The following PRELID2 variants were observed in gnomAD, a reference collection of about 807,000 sequenced individuals.
PRELID2 encodes the protein PRELI domain containing 2.
In PRELID2, 25 loss-of-function variants were observed where a neutral mutation model predicts 28.4. The ratio of observed to expected loss-of-function variants is 0.88; its 90% confidence interval spans 0.64 to 1.23. The LOEUF is 1.23. Among genes scored for constraint, PRELID2 ranks in the 50% most tolerant of loss-of-function variants. The probability of loss-of-function intolerance (pLI) is 0.00; values close to 1 mark genes in which losing one functional copy is unlikely to be tolerated. For synonymous variants in PRELID2, 76 were observed against 71.6 expected, an observed-to-expected ratio of 1.06 and a Z score of -0.31; for missense variants, 201 against 214.4, an observed-to-expected ratio of 0.94 and a Z score of 0.39.
chr5:145,835,218 T>C lies in PRELID2; in HGVS notation c.34A>G (p.Lys12Glu). Residue 12 changes from lysine (K) to glutamate (E), a missense_variant, in exon 1 of 7, where the codon AAG (lysine) becomes GAG (glutamate). Physicochemically the swap from Lys to Glu is moderately conservative, Grantham distance 56 (BLOSUM62 1). Coordinates refer to ENST00000683046, the MANE Select transcript of PRELID2 (RefSeq NM_205846.3). ...GCGACCACCTGCTCGAAGGGGTACT[T>C]GTACACCTGGTGCACATCCACCGAG... ...GVSVDVHQVY[K>E]YPFEQVVASF... 1.3e-6 allele frequency: 2 copies of C among 1,550,280 alleles called. No individual in the cohort carries two copies. Among genetic ancestry groups the C allele is most frequent in the Non-Finnish European group, 1.7e-6 (2 of 1,146,326 alleles).
intron 1 of PRELID2, among the ~76,000 whole-genome samples, chr5:145,740,581 T>C (rs1454277504): frequency 3.7e-3 from 8 of 2,170 alleles, no homozygotes; most frequent in Non-Finnish European, 8.3e-3. Context: ...AATATATATA[T>C]TATATATATA....
chr5:145,737,023 A>C (rs1756514618), intron 1 of PRELID2, among the ~76,000 whole-genome samples: 1 of 152,048 alleles, frequency 6.6e-6, no homozygotes, highest in Non-Finnish European at 1.5e-5. Context: ...AGAAAAAGAG[A>C]AGAGAATTGA....
At chr5:145,690,794 T>C (rs1167905566) in intron 1 of PRELID2, among the ~76,000 whole-genome samples, 1 of 152,228 alleles carries the variant, frequency 6.6e-6, no homozygotes, top group African/African-American at 2.4e-5. Flanking sequence ...GCTCTTTCCC[T>C]ATGTGCAAGA....
At chr5:145,423,527 T>A in the PRELID2 span, among the ~76,000 whole-genome samples, 5 of 150,902 alleles carry the variant, frequency 3.3e-5, no homozygotes, top group Admixed American at 3.3e-4. Flanking sequence ...GTTGATCGCA[T>A]CGGCTCCTGA....
At chr5:145,236,838 C>A in the PRELID2 span, among the ~76,000 whole-genome samples, 195 of 152,252 alleles carry the variant, frequency 1.3e-3, 1 homozygote, top group African/African-American at 3.7e-3. Flanking sequence ...TTCCTGACAA[C>A]CTCTTTGGAA....
chr5:145,802,655 A>G (rs1753212438), intron 4 of PRELID2, among the ~76,000 whole-genome samples: 1 of 152,194 alleles, frequency 6.6e-6, no homozygotes, highest in South Asian at 2.1e-4. Context: ...AAAAAATCTG[A>G]GAGTGAGGCT....
At chr5:145,528,505 T>C (rs896498945) in intron 1 of PRELID2, among the ~76,000 whole-genome samples, 1 of 151,700 alleles carries the variant, frequency 6.6e-6, no homozygotes, top group African/African-American at 2.4e-5. Flanking sequence ...AGAGAGCACA[T>C]ACATGCAAAG....
At position 145,625,617 on chromosome 5, in the gene PRELID2, CAT is replaced by C. The variant is rs372692118; in HGVS notation, n.70+139312_70+139313del. Among the ~76,000 whole-genome samples, 194 of 152,162 alleles carry C rather than the reference CAT, an allele frequency of 1.3e-3. 2 individuals are homozygous for C. The highest frequency in any genetic ancestry group is 4.6e-3 in the African/African-American group (190 of 41,522). On this transcript the variant is annotated intron_variant and non_coding_transcript_variant, in intron 1 of 2. Coordinates refer to the PRELID2 transcript ENST00000510259. The stretch of plus-strand genomic sequence containing the variant: ...ATTGGAATTGACTGTGTGGAGAAAA[CAT>C]AATGTATGTAACTGTAATTCTCTTG...
intron 4 of PRELID2, among the ~76,000 whole-genome samples, chr5:145,797,193 C>G (rs939434538): frequency 6.6e-6 from 1 of 152,060 alleles, no homozygotes; most frequent in Non-Finnish European, 1.5e-5. Context: ...AGTAAGATGG[C>G]TGAATAGGAA....
At chr5:145,362,419 C>A in the PRELID2 span, among the ~76,000 whole-genome samples, 1 of 152,076 alleles carries the variant, frequency 6.6e-6, no homozygotes, top group South Asian at 2.1e-4. Context: ...ATGCTCATAC[C>A]ACCATCACAG....
chr5:145,307,658 T>C, the PRELID2 span, among the ~76,000 whole-genome samples: 3 of 152,062 alleles, frequency 2.0e-5, no homozygotes, highest in Non-Finnish European at 4.4e-5. Context: ...TTCAGGTCAT[T>C]CAGTTCAGCA....
intron 1 of PRELID2, among the ~76,000 whole-genome samples, chr5:145,488,406 A>C (rs1752241183): frequency 6.6e-6 from 1 of 152,000 alleles, no homozygotes; most frequent in Admixed American, 6.6e-5. Context: ...TTTGAGGGCC[A>C]CTCCCGTGTT....
At chr5:145,356,992 T>C in the PRELID2 span, among the ~76,000 whole-genome samples, 1 of 152,316 alleles carries the variant, frequency 6.6e-6, no homozygotes, top group East Asian at 1.9e-4. Context: ...CTCATTCACT[T>C]ATGAAGTTTA....
At chr5:145,279,587 T>C in the PRELID2 span, among the ~76,000 whole-genome samples, 1 of 152,186 alleles carries the variant, frequency 6.6e-6, no homozygotes, top group Non-Finnish European at 1.5e-5. Flanking sequence ...TCACAAACTC[T>C]AGTGCCTAAA....
chr5:145,443,179 A>AC, the PRELID2 span, among the ~76,000 whole-genome samples: 5 of 152,112 alleles, frequency 3.3e-5, no homozygotes, highest in South Asian at 1.0e-3. Context: ...TGGCAGTCCA[A>AC]CCTGGCATTG....
intron 1 of PRELID2, among the ~76,000 whole-genome samples, chr5:145,601,091 G>C (rs1440483036): frequency 6.6e-6 from 1 of 152,088 alleles, no homozygotes; most frequent in Non-Finnish European, 1.5e-5. Flanking sequence ...GGGAGTTTGA[G>C]GTTACAGTGA....
chr5:145,396,497 A>G, the PRELID2 span, among the ~76,000 whole-genome samples: 2 of 152,026 alleles, frequency 1.3e-5, no homozygotes, highest in African/African-American at 4.8e-5. Flanking sequence ...TAAAAAAAAA[A>G]AAAAAAAAGT....
At chr5:145,294,330 A>G in the PRELID2 span, among the ~76,000 whole-genome samples, 5 of 152,174 alleles carry the variant, frequency 3.3e-5, no homozygotes, top group Admixed American at 6.6e-5. Context: ...GTTGTCACAT[A>G]TGCTCATTTA....
the PRELID2 span, among the ~76,000 whole-genome samples, chr5:145,333,871 C>T: frequency 2.8e-4 from 42 of 151,266 alleles, no homozygotes; most frequent in African/African-American, 8.3e-4. Context: ...CCCAAACGGT[C>T]GCCCAGTTTT....
Sources: allele counts gnomAD v4.1 joint callset (sites outside exome capture counted in the v4.1 genomes callset), GRCh38; gene constraint gnomAD v4.1.1; transcripts MANE v1.5; gene names NCBI Gene and HGNC (gene_info 2026-07-23, HGNC 2026-07-21).